Variants in SORCS3 observed in about 807,000 individuals in gnomAD.
The protein encoded by SORCS3 is sortilin related VPS10 domain containing receptor 3, also known as VPS10 domain-containing receptor SorCS3.
A neutral mutation model predicts 146.3 loss-of-function variants in SORCS3; 57 were observed. That is an observed-to-expected ratio of 0.39 (90% CI 0.31 to 0.49). SORCS3 has a LOEUF of 0.49. Among genes scored for constraint, SORCS3 ranks in the 20% least tolerant of loss-of-function variants. The pLI is 0.92. For missense variants in SORCS3, 1,341 were observed against 1,575.5 expected, an observed-to-expected ratio of 0.85 and a Z score of 2.52; for synonymous variants, 653 against 618.5, an observed-to-expected ratio of 1.06 and a Z score of -0.83.
intron 2 of SORCS3, among the ~76,000 whole-genome samples, chr10:104,858,774 A>C (rs2018364730): frequency 6.6e-6 from 1 of 151,872 alleles, no homozygotes; most frequent in South Asian, 2.1e-4. Flanking sequence ...GGTACCCGCC[A>C]CCACGCCTGG....
At chr10:104,942,890 A>T (rs2019334951) in intron 3 of SORCS3, among the ~76,000 whole-genome samples, 2 of 152,336 alleles carry the variant, frequency 1.3e-5, no homozygotes, top group South Asian at 4.1e-4. Flanking sequence ...CTAAGATTAG[A>T]TAAGGATGCC....
At chr10:104,703,451 T>C (rs2016302981) in intron 1 of SORCS3, among the ~76,000 whole-genome samples, 2 of 152,202 alleles carry the variant, frequency 1.3e-5, no homozygotes, top group Admixed American at 1.3e-4. Flanking sequence ...GGTTTTGATT[T>C]GCATTTCTCT....
intron 4 of SORCS3, among the ~76,000 whole-genome samples, chr10:104,983,061 G>A (rs758692230): frequency 6.6e-6 from 1 of 151,998 alleles, no homozygotes; most frequent in Non-Finnish European, 1.5e-5. Flanking sequence ...GTAAAGTGAT[G>A]CAATATTGGT....
chr10:104,896,499 G>C (rs1376972127), intron 2 of SORCS3, among the ~76,000 whole-genome samples: 2 of 152,186 alleles, frequency 1.3e-5, no homozygotes, highest in East Asian at 3.8e-4. Flanking sequence ...TGCAGATTTC[G>C]ATCTGAGGGA....
intron 1 of SORCS3, among the ~76,000 whole-genome samples, chr10:104,720,931 G>A (rs1052856435): frequency 6.6e-6 from 1 of 152,192 alleles, no homozygotes; most frequent in Non-Finnish European, 1.5e-5. Flanking sequence ...TAGGTTGCCT[G>A]TTCACTCTGA....
At chr10:104,735,477 T>TTTTTTTTTTTTTTTTTTTTTC (rs1564671258) in intron 1 of SORCS3, among the ~76,000 whole-genome samples, 1 of 141,878 alleles carries the variant, frequency 7.0e-6, no homozygotes, top group African/African-American at 2.6e-5. Context: ...TTTTTTTTTT[T>TTTTTTTTTTTTTTTTTTTTTC]AATCAATCCC....
chr10:105,097,981 C>T (rs188118438), intron 6 of SORCS3, among the ~76,000 whole-genome samples: 12 of 152,292 alleles, frequency 7.9e-5, no homozygotes, highest in East Asian at 1.9e-4. Context: ...TAAGCAATCA[C>T]GGCACTTCTT....
intron 1 of SORCS3, among the ~76,000 whole-genome samples, chr10:104,750,072 G>C (rs750288759): frequency 1.3e-5 from 2 of 152,194 alleles, no homozygotes; most frequent in East Asian, 1.9e-4. Context: ...GGTGTGTGCA[G>C]TATCAGTTAG....
At chr10:105,207,322 A>C (rs993645475) in intron 16 of SORCS3, among the ~76,000 whole-genome samples, 1 of 124,754 alleles carries the variant, frequency 8.0e-6, no homozygotes, top group Admixed American at 8.2e-5. Flanking sequence ...TGTCCTGGCT[A>C]TCCCTCCTTT....
Position 105,163,706 on chromosome 10 carries a change from G to A in SORCS3, c.1733-597G>A, listed in dbSNP as rs148577200. On this transcript the variant is annotated intron_variant, in intron 11 of 26. Transcript: ENST00000369701. ...GTATGGTTGGTCTAGGCATAAGCCA[G>A]GTGACTTGTTTTGCTGCCATGCTTG... 2.3e-3 allele frequency among the ~76,000 whole-genome samples: 348 copies of A among 152,294 alleles called. 1 individual carries two copies. The highest frequency in any genetic ancestry group is 6.2e-3 in the African/African-American group (258 of 41,550).
chr10:104,898,375 C>A (rs950629474), intron 2 of SORCS3, among the ~76,000 whole-genome samples: 1 of 152,192 alleles, frequency 6.6e-6, no homozygotes, highest in Admixed American at 6.5e-5. Context: ...AATAGGGACT[C>A]AGCAAATTGT....
chr10:104,947,664 C>T (rs1035947835), intron 3 of SORCS3, among the ~76,000 whole-genome samples: 9 of 152,176 alleles, frequency 5.9e-5, no homozygotes, highest in Middle Eastern at 6.8e-3. Flanking sequence ...TCTGTGTCAC[C>T]GAGGCTGGAG....
intron 1 of SORCS3, among the ~76,000 whole-genome samples, chr10:104,714,473 G>A (rs1161085539): frequency 6.6e-6 from 1 of 152,090 alleles, no homozygotes; most frequent in African/African-American, 2.4e-5. Context: ...AATTTTGTTA[G>A]AAATATTTAA....
intron 2 of SORCS3, among the ~76,000 whole-genome samples, chr10:104,914,010 C>A (rs572277566): frequency 3.9e-5 from 6 of 152,150 alleles, no homozygotes; most frequent in African/African-American, 1.4e-4. Flanking sequence ...CTCAGGTGAT[C>A]CACCCACCTC....
intron 1 of SORCS3, among the ~76,000 whole-genome samples, chr10:104,700,526 A>T (rs556421251): frequency 6.6e-6 from 1 of 152,168 alleles, no homozygotes; most frequent in Admixed American, 6.5e-5. Context: ...CACTTGGATC[A>T]TGTGTCTACC....
At chr10:104,938,677 C>T (rs1362212087) in intron 3 of SORCS3, among the ~76,000 whole-genome samples, 1 of 152,132 alleles carries the variant, frequency 6.6e-6, no homozygotes, top group Non-Finnish European at 1.5e-5. Context: ...ACATTTCCAC[C>T]AACATATTAT....
intron 5 of SORCS3, among the ~76,000 whole-genome samples, chr10:105,047,558 T>G (rs1450097852): frequency 2.0e-5 from 3 of 152,108 alleles, no homozygotes; most frequent in African/African-American, 7.2e-5. Context: ...GATTGCAACA[T>G]GGACTGGCTT....
chr10:105,231,172 ATTCT>A (rs1437634124), intron 20 of SORCS3, among the ~76,000 whole-genome samples: 6 of 152,146 alleles, frequency 3.9e-5, no homozygotes, highest in African/African-American at 1.4e-4. Context: ...GAACTCCAGG[ATTCT>A]TTCTTAGATG....
At chr10:104,854,188 TA>T (rs1378537536) in intron 2 of SORCS3, among the ~76,000 whole-genome samples, 2 of 152,206 alleles carry the variant, frequency 1.3e-5, no homozygotes, top group Admixed American at 1.3e-4. Flanking sequence ...AGGGTCTTCA[TA>T]AATGAAGGTG....
Sources: allele counts gnomAD v4.1 joint callset (sites outside exome capture counted in the v4.1 genomes callset), GRCh38; gene constraint gnomAD v4.1.1; transcripts MANE v1.5; gene names NCBI Gene and HGNC (gene_info 2026-07-23, HGNC 2026-07-21).